Variants in DENND4C observed in about 807,000 individuals in gnomAD.
DENND4C encodes the protein DENN domain containing 4C, also known as DENN domain-containing protein 4C.
A neutral mutation model predicts 203.0 loss-of-function variants in DENND4C; 108 were observed. The ratio of observed to expected loss-of-function variants is 0.53; its 90% CI spans 0.46 to 0.62. DENND4C has a LOEUF of 0.62. DENND4C is among the 20% of genes least tolerant of loss of function. The pLI is 0.00. For missense variants in DENND4C, 2,481 were observed against 2,301.2 expected (o/e 1.08, Z -1.60); for synonymous variants, 871 against 792.4 (o/e 1.10, Z -1.67).
rs892579359 is a variant in DENND4C, at chr9:19,245,779, C to T, written c.-18+14946C>T. 5.3e-5 allele frequency among the ~76,000 whole-genome samples: 8 copies of T among 151,890 alleles called. 1 individual carries two copies. The highest frequency in any genetic ancestry group is 4.6e-4 in the Admixed American group (7 of 15,240). On this transcript the variant is annotated intron_variant, in intron 1 of 32. Coordinates refer to ENST00000434457, the MANE Select transcript of DENND4C (RefSeq NM_001330640.2). ...GCTGAGGCGGGAGAATCGCTTGAACCCAGGAGGTGGAGGTTGCGGTGAGCA... is the reference window on the plus strand; with the variant it reads ...GCTGAGGCGGGAGAATCGCTTGAACTCAGGAGGTGGAGGTTGCGGTGAGCA...
intron 1 of DENND4C, among the ~76,000 whole-genome samples, chr9:19,246,300 C>T (rs1030155992): frequency 4.3e-4 from 66 of 152,226 alleles, no homozygotes; most frequent in Non-Finnish European, 1.0e-4. Context: ...TACGCTAGCT[C>T]GTCTCACTTT....
intron 1 of DENND4C, among the ~76,000 whole-genome samples, chr9:19,231,077 C>T (rs1325320281): frequency 6.6e-6 from 1 of 152,200 alleles, no homozygotes; most frequent in Non-Finnish European, 1.5e-5. Context: ...CGGGGAAAGG[C>T]TGCCCCTGAA....
In DENND4C at chr9:19,285,832, A is replaced by G. The variant is rs1029481756; in HGVS notation, c.306-937A>G. 3.9e-5 allele frequency among the ~76,000 whole-genome samples: 6 copies of G among 152,066 alleles called. No individual in the cohort carries two copies. The East Asian group carries it at 9.6e-4, about 24-fold the overall frequency. The stretch of plus-strand genomic sequence containing the variant: ...GAAAAGACTATTCCTTCCTGATTGC[A>G]TTGTCTTGGCACTCTTGTTGAAATC... On this transcript the variant is annotated intron_variant, in intron 2 of 32. Transcript: ENST00000434457.
intron 30 of DENND4C, among the ~76,000 whole-genome samples, chr9:19,362,631 T>C (rs1349535242): frequency 6.6e-6 from 1 of 152,142 alleles, no homozygotes; most frequent in Non-Finnish European, 1.5e-5. Flanking sequence ...TCAACTGAGT[T>C]GAGTAATTTT....
At chr9:19,279,703 A>G (rs1833645006) in intron 2 of DENND4C, among the ~76,000 whole-genome samples, 1 of 151,082 alleles carries the variant, frequency 6.6e-6, no homozygotes, top group Non-Finnish European at 1.5e-5. Context: ...AAAAATTAGC[A>G]AGGTGTGGTG....
At chr9:19,317,401 G>GTTCC (rs1388864769) in intron 12 of DENND4C, among the ~76,000 whole-genome samples, 2 of 151,992 alleles carry the variant, frequency 1.3e-5, no homozygotes, top group African/African-American at 4.8e-5. Flanking sequence ...ATGTAACTTT[G>GTTCC]TTCCAGGGAA....
chr9:19,318,969 G>GCC (rs1842301831), intron 12 of DENND4C, among the ~76,000 whole-genome samples: 1 of 151,990 alleles, frequency 6.6e-6, no homozygotes, highest in East Asian at 1.9e-4. Context: ...AGGAGTTTGA[G>GCC]ACCAGTCTGG....
chr9:19,270,587 CCATT>C (rs1359500628), intron 1 of DENND4C, among the ~76,000 whole-genome samples: 1 of 152,142 alleles, frequency 6.6e-6, no homozygotes, highest in African/African-American at 2.4e-5. Flanking sequence ...TTTTAAAAAT[CCATT>C]CATCTCTTGA....
chr9:19,344,354 G>A (rs1028098649), intron 22 of DENND4C, among the ~76,000 whole-genome samples: 8 of 152,278 alleles, frequency 5.3e-5, no homozygotes, highest in East Asian at 3.9e-4. Context: ...TATTTCTGCC[G>A]GGCTCAGTGG....
At chr9:19,355,650 T>C (rs1825229457) in intron 26 of DENND4C, among the ~76,000 whole-genome samples, 1 of 152,192 alleles carries the variant, frequency 6.6e-6, no homozygotes, top group African/African-American at 2.4e-5. Context: ...CATGTTGTTT[T>C]CATCACTTGG....
rs1350191269 is a variant in DENND4C, at chr9:19,316,665, A to G, written c.1633A>G (p.Ile545Val). The G allele has an allele frequency of 3.1e-6, 5 of 1,613,978 alleles. No individual in the cohort carries two copies. Among genetic ancestry groups the G allele is most frequent in the Admixed American group, 3.3e-5 (2 of 59,994 alleles). ...AGGCTCAGCGATTGACATGACTCCA[A>G]TTGAAGCAGATTTCTCCTGGCAAAA... is the stretch of plus-strand genomic sequence containing the variant. ...QEGSAIDMTP[I>V]EADFSWQKKM... Residue 545 changes from isoleucine to valine, a missense_variant, in exon 12 of 33, where the codon ATT becomes GTT. This residue lies in a region of DENND4C where 2,289 missense variants were observed against 2,113.3 expected (regional missense o/e 1.08). Transcript: ENST00000434457.
intron 1 of DENND4C, among the ~76,000 whole-genome samples, chr9:19,239,953 C>G (rs1324828071): frequency 6.6e-6 from 1 of 152,086 alleles, no homozygotes; most frequent in East Asian, 1.9e-4. Context: ...TTCTTCAGAT[C>G]TTACATATTT....
intron 30 of DENND4C, among the ~76,000 whole-genome samples, chr9:19,366,920 C>T (rs993663974): frequency 3.3e-5 from 5 of 152,184 alleles, no homozygotes; most frequent in Admixed American, 1.3e-4. Context: ...GGTCAATCGA[C>T]AGATTGGGAG....
Position 19,372,238 on chromosome 9 carries a change from AG to A in DENND4C, c.*66del, listed in dbSNP as rs1563852656. 4 of 1,552,238 alleles carry A rather than the reference AG, an allele frequency of 2.6e-6. No homozygotes were observed. In the African/African-American group the frequency reaches 5.5e-5, roughly 21 times the overall value. ...ATTAGATTTCATCTGGAAACATTCA[AG>A]TTTTTTTTTCCAAATCGTAAGAACT... is the stretch of plus-strand genomic sequence containing the variant. On this transcript the variant is annotated 3_prime_UTR_variant, in exon 33 of 33. Coordinates refer to ENST00000434457, the MANE Select transcript of DENND4C (RefSeq NM_001330640.2).
chr9:19,308,516 G>C (rs1218364310), intron 10 of DENND4C, among the ~76,000 whole-genome samples: 1 of 152,068 alleles, frequency 6.6e-6, no homozygotes, highest in Non-Finnish European at 1.5e-5. Context: ...TAGATTGTTT[G>C]TCTTTTTCTT....
chr9:19,339,714 CTT>C (rs1446575312), intron 20 of DENND4C, among the ~76,000 whole-genome samples: 2 of 152,186 alleles, frequency 1.3e-5, no homozygotes, highest in African/African-American at 4.8e-5. Flanking sequence ...GACACTTTCT[CTT>C]TTAAATTTGG....
intron 1 of DENND4C, among the ~76,000 whole-genome samples, chr9:19,264,224 G>C (rs1356618378): frequency 1.3e-5 from 2 of 151,662 alleles, no homozygotes; most frequent in African/African-American, 2.4e-5. Flanking sequence ...GTTCGGTTTT[G>C]GTAGGTTGTA....
At chr9:19,265,756 A>C (rs1830364853) in intron 1 of DENND4C, among the ~76,000 whole-genome samples, 1 of 152,208 alleles carries the variant, frequency 6.6e-6, no homozygotes, top group South Asian at 2.1e-4. Flanking sequence ...TTCCAGCTTC[A>C]TCCATGTCAC....
chr9:19,356,867 T>C, intron 26 of DENND4C, 105 bp from the exon 27 acceptor site: 2 of 1,101,390 alleles, frequency 1.8e-6, no homozygotes, highest in Non-Finnish European at 2.6e-6. Flanking sequence ...TTATATATAA[T>C]TTTATTAATG....
Sources: gnomAD v4.1 joint callset for allele counts (sites outside exome capture counted in the v4.1 genomes callset) on GRCh38, gnomAD v4.1.1 for gene constraint, gnomAD v4.1.1 regional missense constraint, MANE v1.5 for transcripts, NCBI Gene and HGNC (gene_info 2026-07-23, HGNC 2026-07-21) for gene names.